The following CRACR2A variants were observed in gnomAD, a reference collection of about 807,000 sequenced individuals.
CRACR2A encodes the protein EF-hand calcium-binding domain-containing protein 4B.
CRACR2A carries 79 observed loss-of-function variants against 90.5 expected under a neutral mutation model. That is an observed-to-expected ratio of 0.87 (90% confidence interval 0.73 to 1.05). The LOEUF is 1.05. Ranked by LOEUF, CRACR2A falls within the 50% of genes least tolerant of loss-of-function variation. The pLI is 0.00. For synonymous variants in CRACR2A, 338 were observed against 356.7 expected, an observed-to-expected ratio of 0.95 and a Z score of 0.59; for missense variants, 823 against 897.2, an observed-to-expected ratio of 0.92 and a Z score of 1.06.
At chr12:3,715,672 G>A (rs923240519) in intron 2 of CRACR2A, among the ~76,000 whole-genome samples, 7 of 152,104 alleles carry the variant, frequency 4.6e-5, no homozygotes, top group African/African-American at 1.7e-4. Context: ...AACAATAAAA[G>A]GGGACTTCAA....
chr12:3,748,811 C>T (rs1356913385), intron 1 of CRACR2A, among the ~76,000 whole-genome samples: 2 of 152,218 alleles, frequency 1.3e-5, no homozygotes, highest in South Asian at 4.1e-4. Context: ...TGTCCTCCCC[C>T]TCACCTCAGC....
At chr12:3,748,739 G>A (rs1434594348) in intron 1 of CRACR2A, among the ~76,000 whole-genome samples, 1 of 152,168 alleles carries the variant, frequency 6.6e-6, no homozygotes, top group Admixed American at 6.5e-5. Context: ...CAACACCTGA[G>A]GCCAAGACTC....
chr12:3,710,992 C>T (rs1038755362), intron 3 of CRACR2A, among the ~76,000 whole-genome samples: 5 of 152,318 alleles, frequency 3.3e-5, no homozygotes, highest in African/African-American at 1.2e-4. Flanking sequence ...ATTTCCCCAA[C>T]TCATGTCCTT....
chr12:3,691,102 C>A (rs1044186635), intron 4 of CRACR2A, among the ~76,000 whole-genome samples: 1 of 152,120 alleles, frequency 6.6e-6, no homozygotes, highest in Non-Finnish European at 1.5e-5. Context: ...GGTTCTTTAT[C>A]CAGCTTGTCA....
chr12:3,681,904 T>C (rs55890839), intron 4 of CRACR2A, among the ~76,000 whole-genome samples: 15,291 of 152,154 alleles, frequency 0.1, 844 homozygotes, highest in African/African-American at 0.13. Flanking sequence ...TTTAGAAGAA[T>C]TGAATTAAAT....
intron 17 of CRACR2A, among the ~76,000 whole-genome samples, chr12:3,621,117 T>G (rs1052822600): frequency 6.6e-6 from 1 of 152,164 alleles, no homozygotes; most frequent in Admixed American, 6.5e-5. Flanking sequence ...TAGATTTATG[T>G]GTGAGGAATG....
chr12:3,640,943 A>T (rs11062747), intron 13 of CRACR2A, among the ~76,000 whole-genome samples: 29,463 of 152,210 alleles, frequency 0.19, 3,631 homozygotes, highest in East Asian at 0.44. Context: ...CATGGAAACG[A>T]TCTGTCAAGC....
At chr12:3,630,843 T>G (rs1944364644) in intron 15 of CRACR2A, among the ~76,000 whole-genome samples, 1 of 152,192 alleles carries the variant, frequency 6.6e-6, no homozygotes, top group Non-Finnish European at 1.5e-5. Context: ...CAACTGGCAT[T>G]TCACACAAGC....
chr12:3,693,091 G>A lies in CRACR2A; in HGVS notation c.228+3681C>T, dbSNP rs533570712. ...GTGGCAGAACAGGGTGCATGCACACGTGCGTGCTGGCAGGGCAAGGAAGGC... is the reference window on the plus strand; with the variant it reads ...GTGGCAGAACAGGGTGCATGCACACATGCGTGCTGGCAGGGCAAGGAAGGC... On this transcript the variant is annotated intron_variant, in intron 4 of 19. Transcript: ENST00000440314. 1.1e-4 allele frequency among the ~76,000 whole-genome samples: 17 copies of A among 152,290 alleles called. No individual in the cohort carries two copies. The South Asian group carries it at 1.4e-3, about 13-fold the overall frequency.
In CRACR2A at chr12:3,746,134, T is replaced by C. The variant is rs1946621920; in HGVS notation, c.-387+6881A>G. On this transcript the variant is annotated intron_variant, in intron 1 of 19. Transcript: ENST00000440314. This position sits in a 1 kb window ranked among gnomAD's most constrained non-coding sequence, Gnocchi z 4.4. ...AAAGCCATGAGAAATATACTTTACTTACTTGCCTATAAACACTAACATCAT... is the reference window on the plus strand; with the variant it reads ...AAAGCCATGAGAAATATACTTTACTCACTTGCCTATAAACACTAACATCAT... Among the ~76,000 whole-genome samples the C allele has an allele frequency of 6.6e-6, 1 of 152,222 alleles. No individual in the cohort carries two copies. Among genetic ancestry groups the C allele is most frequent in the South Asian group, 2.1e-4 (1 of 4,834 alleles).
At chr12:3,666,364 T>TGTGTGCGCGC (rs765943563) in intron 7 of CRACR2A, among the ~76,000 whole-genome samples, 27 of 149,600 alleles carry the variant, frequency 1.8e-4, no homozygotes, top group African/African-American at 6.7e-4. Flanking sequence ...TGCGTGCGTG[T>TGTGTGCGCGC]GCGCGTGCGC....
chr12:3,698,570 C>T (rs890888700), intron 3 of CRACR2A, among the ~76,000 whole-genome samples: 1 of 152,214 alleles, frequency 6.6e-6, no homozygotes, highest in African/African-American at 2.4e-5. Flanking sequence ...CAGGCTACAC[C>T]CTTTGCTCCG....
chr12:3,636,510 G>T (rs1591644132), intron 14 of CRACR2A, among the ~76,000 whole-genome samples: 2 of 152,210 alleles, frequency 1.3e-5, no homozygotes, highest in African/African-American at 4.8e-5. Context: ...TCTGTCAATG[G>T]GGAGAATAAA....
intron 11 of CRACR2A, among the ~76,000 whole-genome samples, chr12:3,647,331 A>G (rs975838463): frequency 2.0e-5 from 3 of 152,050 alleles, no homozygotes; most frequent in African/African-American, 7.3e-5. Context: ...CCCTGGATCG[A>G]TGGCACAGAA....
intron 15 of CRACR2A, among the ~76,000 whole-genome samples, chr12:3,628,047 C>T (rs1358464954): frequency 7.2e-6 from 1 of 139,516 alleles, no homozygotes; most frequent in Non-Finnish European, 1.6e-5. Context: ...CTCTCCTTCC[C>T]TCTCTCTCTC....
At chr12:3,720,389 G>A (rs561948773) in intron 2 of CRACR2A, among the ~76,000 whole-genome samples, 1 of 117,634 alleles carries the variant, frequency 8.5e-6, no homozygotes, top group African/African-American at 3.1e-5. Context: ...GGAAGGGGGA[G>A]GGGGGGAGGG....
At chr12:3,717,313 T>A (rs1309960329) in intron 2 of CRACR2A, among the ~76,000 whole-genome samples, 2 of 152,144 alleles carry the variant, frequency 1.3e-5, no homozygotes, top group Non-Finnish European at 2.9e-5. Flanking sequence ...TCTCTAACAA[T>A]GCTCTGAAGA....
rs578018654 is a variant in CRACR2A at position 3,633,355 on chromosome 12, T to C, written c.1735+249A>G. ...CAAATTTAGTTCCATAAACCCAAGGTTGGACTTACAAAGTACTCAGGGGTC... is the reference window on the plus strand; with the variant it reads ...CAAATTTAGTTCCATAAACCCAAGGCTGGACTTACAAAGTACTCAGGGGTC... On this transcript the variant is annotated intron_variant, in intron 15 of 19. Transcript: ENST00000440314. This position sits in a 1 kb window ranked among gnomAD's most constrained non-coding sequence, Gnocchi z 4.5. 6.6e-6 allele frequency among the ~76,000 whole-genome samples: 1 copy of C among 152,224 alleles called. No individual in the cohort carries two copies. Among genetic ancestry groups the C allele is most frequent in the African/African-American group, 2.4e-5 (1 of 41,532 alleles).
chr12:3,619,424 G>C (rs1490585183), intron 17 of CRACR2A, 52 bp from the exon 18 acceptor site: 2 of 1,435,200 alleles, frequency 1.4e-6, no homozygotes, highest in Non-Finnish European at 1.9e-6. Context: ...GGATTGCCCA[G>C]AGGGCAGGCT....
Sources: allele counts gnomAD v4.1 joint callset (sites outside exome capture counted in the v4.1 genomes callset), GRCh38; gene constraint gnomAD v4.1.1; non-coding constraint Gnocchi (gnomAD v3.1); transcripts MANE v1.5; gene names NCBI Gene and HGNC (gene_info 2026-07-23, HGNC 2026-07-21).